Variants in RIF1 observed in about 807,000 individuals in gnomAD.
RIF1 encodes replication timing regulatory factor 1.
RIF1 carries 45 observed loss-of-function variants against 247.1 expected under a neutral mutation model. The ratio of observed to expected loss-of-function variants is 0.18; its 90% confidence interval spans 0.14 to 0.23. The LOEUF (loss-of-function observed/expected upper bound fraction) is 0.23. Among genes scored for constraint, RIF1 ranks in the 10% least tolerant of loss-of-function variants. The pLI, the probability that RIF1 is intolerant of heterozygous loss-of-function variation, is 1.00. For missense variants in RIF1, 2,967 were observed against 2,862.5 expected, an observed-to-expected ratio of 1.04 and a Z score of -0.83; for synonymous variants, 1,087 against 978.8, an observed-to-expected ratio of 1.11 and a Z score of -2.06.
chr2:151,461,141 A>C lies in RIF1; in HGVS notation c.3079A>C (p.Lys1027Gln), dbSNP rs1696096143. Residue 1027 changes from lysine to glutamine, a missense_variant, in exon 27 of 36, where the codon AAA becomes CAA. By Grantham distance (53) the Lys-to-Gln change is moderately conservative (BLOSUM62 1). Coordinates refer to ENST00000444746, the MANE Select transcript of RIF1 (RefSeq NM_018151.5). ...KENMKPAAKL[K>Q]LESSSLKVKG... ...GCTTATTTTTTCAAATCTGCAGCTGAAACTTGAATCTTCGTCTTTAAAAGT... is the reference window on the plus strand; with the variant it reads ...GCTTATTTTTTCAAATCTGCAGCTGCAACTTGAATCTTCGTCTTTAAAAGT... 6.2e-7 allele frequency: 1 copy of C among 1,602,590 alleles called. No individual in the cohort carries two copies. Among genetic ancestry groups the C allele is most frequent in the African/African-American group, 1.3e-5 (1 of 74,180 alleles).
chr2:151,525,207 G>A, the RIF1 span: 1 of 1,613,956 alleles, frequency 6.2e-7, no homozygotes, highest in Non-Finnish European at 8.5e-7. Flanking sequence ...TTCACCTCTG[G>A]TGGCTCCAGC....
chr2:151,506,119 T>C (rs983961083), intron 12 of RIF1: 2 of 1,480,334 alleles, frequency 1.4e-6, no homozygotes, highest in Non-Finnish European at 1.9e-6. Flanking sequence ...TTGTAAATTA[T>C]CAAAGGGAGG....
chr2:151,526,308 C>T, the RIF1 span: 1 of 1,291,158 alleles, frequency 7.7e-7, no homozygotes, highest in Non-Finnish European at 1.1e-6. Flanking sequence ...TGCTGGATAT[C>T]CTACATATTT....
Position 151,441,776 on chromosome 2 carries a change from CTAA to C in RIF1, c.1648-127_1648-125del, listed in dbSNP as rs774795001. On this transcript the variant is annotated intron_variant, in intron 15 of 35. Transcript: ENST00000444746. The stretch of plus-strand genomic sequence containing the variant: ...AATGAATGTATTTGATCTTTTTTAA[CTAA>C]TGAGATTATATTTACGTTAATGAAT... 7.3e-5 allele frequency: 34 copies of C among 466,002 alleles called. 1 individual carries two copies. The East Asian group carries it at 1.0e-3, about 14-fold the overall frequency. 28.9% of individuals were successfully genotyped at this position (466,002 alleles called of 1,614,324 possible).
At chr2:151,448,596 A>G (rs141493901) in intron 20 of RIF1, among the ~76,000 whole-genome samples, 165 of 152,352 alleles carry the variant, frequency 1.1e-3, no homozygotes, top group South Asian at 5.2e-3. Context: ...TGGAATAAAA[A>G]TCTGAGCTCC....
intron 27 of RIF1, among the ~76,000 whole-genome samples, chr2:151,461,862 G>A (rs939441836): frequency 1.3e-4 from 19 of 151,658 alleles, no homozygotes; most frequent in South Asian, 4.2e-4. Flanking sequence ...TGTAATTTTC[G>A]TTTCTTTTTA....
intron 3 of RIF1, among the ~76,000 whole-genome samples, chr2:151,411,697 A>T (rs1231044529): frequency 6.6e-6 from 1 of 152,184 alleles, no homozygotes; most frequent in Non-Finnish European, 1.5e-5. Context: ...CACTGTGTCC[A>T]GCCACTTTTG....
intron 21 of RIF1, 148 bp downstream of exon 21, chr2:151,451,853 A>G (rs530109367): frequency 1.2e-4 from 64 of 547,904 alleles, no homozygotes; most frequent in Non-Finnish European, 1.8e-4. Context: ...AGGAGCTTTC[A>G]TACATGTTCT....
At chr2:151,514,964 A>T in the RIF1 span, 2 of 1,371,458 alleles carry the variant, frequency 1.5e-6, no homozygotes, top group Non-Finnish European at 2.0e-6. Flanking sequence ...AGTTAAAAAA[A>T]AATCTTTATT....
At chr2:151,442,388 T>TAAA (rs34173773) in intron 16 of RIF1, among the ~76,000 whole-genome samples, 9 of 134,830 alleles carry the variant, frequency 6.7e-5, no homozygotes, top group African/African-American at 1.9e-4. Context: ...CCCTTTTTTT[T>TAAA]AAAAAAAAAA....
chr2:151,498,108 G>C (rs2061559601), intron 10 of RIF1: 8 of 1,501,702 alleles, frequency 5.3e-6, no homozygotes, highest in South Asian at 1.3e-5. Flanking sequence ...GACATTAACT[G>C]TATTATAGAA....
intron 13 of RIF1, chr2:151,507,050 A>G (rs768883056): frequency 7.9e-6 from 10 of 1,261,370 alleles, no homozygotes; most frequent in African/African-American, 1.5e-5. Flanking sequence ...TAAGATTTCA[A>G]CATTGCTTTG....
the RIF1 span, chr2:151,524,293 T>C: frequency 6.3e-7 from 1 of 1,599,274 alleles, no homozygotes; most frequent in East Asian, 2.2e-5. Flanking sequence ...GAGCCACCAG[T>C]GCACCCATCT....
At chr2:151,525,457 C>A in the RIF1 span, among the ~76,000 whole-genome samples, 1 of 152,324 alleles carries the variant, frequency 6.6e-6, no homozygotes, top group Middle Eastern at 3.4e-3. Flanking sequence ...ACACTAGAAC[C>A]ACCTGGCAAT....
chr2:151,512,647 G>T (rs1346692651), downstream of RIF1: 1 of 981,426 alleles, frequency 1.0e-6, no homozygotes, highest in Admixed American at 2.1e-5. Flanking sequence ...CTGATCTGAA[G>T]AATCTCTTAA....
the RIF1 span, chr2:151,518,478 A>G: frequency 1.4e-5 from 15 of 1,100,916 alleles, no homozygotes; most frequent in Admixed American, 1.8e-5. Context: ...CAGCATTCCT[A>G]TTTTTCCTCT....
intron 35 of RIF1, among the ~76,000 whole-genome samples, 198 bp downstream of exon 35, chr2:151,474,270 C>A (rs1411885473): frequency 6.6e-6 from 1 of 152,174 alleles, no homozygotes; most frequent in Non-Finnish European, 1.5e-5. Context: ...CCATCAAGGT[C>A]TCAAGGATTT....
chr2:151,503,031 C>T, intron 11 of RIF1: 2 of 604,648 alleles, frequency 3.3e-6, no homozygotes, highest in Middle Eastern at 2.8e-4. Context: ...ACTTTTTTCA[C>T]AGTTTTAATG....
At chr2:151,518,367 T>G in the RIF1 span, 2 of 1,612,554 alleles carry the variant, frequency 1.2e-6, no homozygotes, top group Non-Finnish European at 1.7e-6. Flanking sequence ...CTCCAGATTA[T>G]CGGGTATGGT....
Sources: allele counts gnomAD v4.1 joint callset (sites outside exome capture counted in the v4.1 genomes callset), GRCh38; gene constraint gnomAD v4.1.1; transcripts MANE v1.5; gene names NCBI Gene and HGNC (gene_info 2026-07-23, HGNC 2026-07-21).